CCDC7: variants seen among roughly 807,000 people sequenced by gnomAD.
The protein encoded by CCDC7 is coiled-coil domain containing 7, also known as coiled-coil domain-containing protein 7.
In CCDC7, 183 loss-of-function variants were observed where a neutral mutation model predicts 196.9. The observed-to-expected ratio is 0.93, with a 90% CI of 0.82 to 1.05. CCDC7 has a LOEUF of 1.05. Ranked by LOEUF, CCDC7 falls within the 50% of genes least tolerant of loss-of-function variation. The probability of loss-of-function intolerance (pLI) is 0.00; values close to 1 mark genes in which losing one functional copy is unlikely to be tolerated. For synonymous variants in CCDC7, 525 were observed against 484.6 expected (o/e 1.08, Z -1.10); for missense variants, 1,540 against 1,482.2 (o/e 1.04, Z -0.64).
At chr10:32,693,297 C>T (rs1038557966) in intron 23 of CCDC7, among the ~76,000 whole-genome samples, 2 of 151,826 alleles carry the variant, frequency 1.3e-5, no homozygotes, top group Non-Finnish European at 2.9e-5. Context: ...ATTTTCTTCC[C>T]CAGTCCTCTC....
intron 9 of CCDC7, among the ~76,000 whole-genome samples, chr10:32,494,756 T>C: frequency 6.6e-6 from 1 of 152,098 alleles, no homozygotes; most frequent in South Asian, 2.1e-4. Context: ...TAGTATTCCA[T>C]GGTGTATATG....
chr10:32,842,332 A>T (rs1227208856), intron 33 of CCDC7, among the ~76,000 whole-genome samples: 1 of 152,180 alleles, frequency 6.6e-6, no homozygotes, highest in Non-Finnish European at 1.5e-5. Context: ...GCCAACAAGC[A>T]TATGGAAAAA....
chr10:32,876,923 A>G (rs2094611227), downstream of CCDC7: 2 of 152,118 alleles, frequency 1.3e-5, no homozygotes, highest in African/African-American at 2.4e-5. Flanking sequence ...ATTATTGGCT[A>G]TAAAATTGTC....
intron 8 of CCDC7, among the ~76,000 whole-genome samples, chr10:32,477,962 C>T (rs2039314432): frequency 6.6e-6 from 1 of 152,112 alleles, no homozygotes; most frequent in South Asian, 2.1e-4. Context: ...ATCTTTCATT[C>T]TATGAACTTG....
rs181849623 is a variant in CCDC7, at chr10:32,782,489, A to G, written c.3013+3405A>G. Among the ~76,000 whole-genome samples, 257 of 152,266 alleles carry G rather than the reference A, an allele frequency of 1.7e-3. 2 individuals are homozygous for G. Among genetic ancestry groups the G allele is most frequent in the African/African-American group, 5.9e-3 (247 of 41,558 alleles). ...GTGATTCGTCTGCCTTGGCCTCCCA[A>G]AGTGCTGGGATTACAGGCATGAGCC... On this transcript the variant is annotated intron_variant, in intron 29 of 41. Coordinates refer to ENST00000639629, the Ensembl canonical transcript of CCDC7.
At chr10:32,727,324 C>T (rs2083275022) in intron 26 of CCDC7, among the ~76,000 whole-genome samples, 1 of 152,140 alleles carries the variant, frequency 6.6e-6, no homozygotes, top group African/African-American at 2.4e-5. Flanking sequence ...GAGCGCCACA[C>T]AAAAGTAAGG....
At chr10:32,657,544 G>T (rs576659104) in intron 20 of CCDC7, among the ~76,000 whole-genome samples, 112 of 152,338 alleles carry the variant, frequency 7.4e-4, no homozygotes, top group African/African-American at 2.6e-3. Flanking sequence ...GGAATGGCTG[G>T]AGGTGAAGCA....
At chr10:32,449,102 A>G (rs2032264561), upstream of CCDC7, among the ~76,000 whole-genome samples, 1 of 152,116 alleles carries the variant, frequency 6.6e-6, no homozygotes, top group South Asian at 2.1e-4. Flanking sequence ...TATGGCTGAT[A>G]TTCTCTTTCT....
intron 20 of CCDC7, among the ~76,000 whole-genome samples, chr10:32,662,526 A>G (rs1307085349): frequency 1.3e-5 from 2 of 152,016 alleles, no homozygotes; most frequent in South Asian, 2.1e-4. Flanking sequence ...TTGTGCCCCC[A>G]TGACTATTAA....
chr10:32,840,234 A>G (rs1279457291), intron 33 of CCDC7, among the ~76,000 whole-genome samples: 1 of 152,078 alleles, frequency 6.6e-6, no homozygotes, highest in Non-Finnish European at 1.5e-5. Context: ...GAAAAGATAA[A>G]TAAAATTGAT....
intron 9 of CCDC7, among the ~76,000 whole-genome samples, chr10:32,492,212 C>T (rs1057080064): frequency 1.3e-5 from 2 of 151,812 alleles, no homozygotes; most frequent in African/African-American, 4.8e-5. Context: ...ATAATTTTTA[C>T]ATGGAAAGTT....
chr10:32,689,824 T>G (rs1388587680), intron 23 of CCDC7, among the ~76,000 whole-genome samples: 3 of 151,888 alleles, frequency 2.0e-5, no homozygotes, highest in Non-Finnish European at 2.9e-5. Flanking sequence ...AACCTCCGCC[T>G]CCCGGGCTCA....
intron 28 of CCDC7, among the ~76,000 whole-genome samples, chr10:32,745,787 A>C (rs2074615874): frequency 1.3e-5 from 2 of 152,190 alleles, no homozygotes; most frequent in South Asian, 4.1e-4. Context: ...CTGGGATTAC[A>C]TTGAATCTCT....
intron 11 of CCDC7, 27 bp from the exon 13 acceptor site, chr10:32,543,273 A>G (rs2051823448): frequency 2.9e-6 from 4 of 1,374,722 alleles, no homozygotes; most frequent in Non-Finnish European, 3.8e-6. Flanking sequence ...TTAACCCTTT[A>G]TTTCTGGCTT....
intron 28 of CCDC7, among the ~76,000 whole-genome samples, chr10:32,740,469 G>A (rs1477085246): frequency 2.0e-4 from 31 of 152,214 alleles, no homozygotes; most frequent in East Asian, 3.9e-4. Flanking sequence ...GTATTTGTGA[G>A]ATGCAAAACC....
chr10:32,845,683 A>C, intron 35 of CCDC7, 57 bp downstream of exon 36: 1 of 1,478,508 alleles, frequency 6.8e-7, no homozygotes, highest in East Asian at 2.3e-5. Context: ...TCCTGGAGTT[A>C]AATTAAGTGT....
intron 13 of CCDC7, among the ~76,000 whole-genome samples, chr10:32,560,273 C>T (rs1324904898): frequency 6.6e-6 from 1 of 152,130 alleles, no homozygotes; most frequent in Non-Finnish European, 1.5e-5. Flanking sequence ...GGAGAACTTC[C>T]CCAATCTAGC....
At chr10:32,567,068 A>G (rs2056931797) in intron 14 of CCDC7, among the ~76,000 whole-genome samples, 1 of 146,004 alleles carries the variant, frequency 6.8e-6, no homozygotes, top group Admixed American at 6.9e-5. Flanking sequence ...TATAGCTAAT[A>G]TATAATATAT....
intron 28 of CCDC7, among the ~76,000 whole-genome samples, chr10:32,741,085 C>T (rs915803976): frequency 1.3e-5 from 2 of 151,894 alleles, no homozygotes; most frequent in Non-Finnish European, 2.9e-5. Flanking sequence ...TGATTATTTG[C>T]TAATAAGTTG....
Sources: gnomAD v4.1 joint callset for allele counts (sites outside exome capture counted in the v4.1 genomes callset) on GRCh38, gnomAD v4.1.1 for gene constraint, MANE v1.5 for transcripts, NCBI Gene and HGNC (gene_info 2026-07-23, HGNC 2026-07-21) for gene names.